Variants in CFAP299 observed in about 807,000 individuals in gnomAD.
The protein encoded by CFAP299 is cilia and flagella associated protein 299.
In CFAP299, 21 loss-of-function variants were observed where a neutral mutation model predicts 27.0. The ratio of observed to expected loss-of-function variants is 0.78; its 90% CI spans 0.55 to 1.12. The LOEUF (loss-of-function observed/expected upper bound fraction) is 1.12. Ranked by LOEUF, CFAP299 falls within the 50% of genes most tolerant of loss-of-function variation. The probability of loss-of-function intolerance (pLI) is 0.00; values close to 1 mark genes in which losing one functional copy is unlikely to be tolerated. For synonymous variants in CFAP299, 104 were observed against 98.1 expected (o/e 1.06, Z -0.36); for missense variants, 310 against 276.6 (o/e 1.12, Z -0.86).
At chr4:80,904,482 C>G (rs1472425552) in intron 4 of CFAP299, among the ~76,000 whole-genome samples, 1 of 152,066 alleles carries the variant, frequency 6.6e-6, no homozygotes, top group Admixed American at 6.6e-5. Flanking sequence ...ATAATCTCAA[C>G]TTTTTTTCAT....
chr4:80,769,556 A>G (rs1726091669), intron 3 of CFAP299, among the ~76,000 whole-genome samples: 2 of 152,118 alleles, frequency 1.3e-5, no homozygotes. Flanking sequence ...CACCATGTGC[A>G]GCTAATTTTT....
chr4:80,726,775 A>C (rs1365507835), intron 3 of CFAP299, among the ~76,000 whole-genome samples: 3 of 152,186 alleles, frequency 2.0e-5, no homozygotes, highest in African/African-American at 7.2e-5. Flanking sequence ...AGTTGGCTTG[A>C]AGTTGATTTA....
At chr4:80,357,722 CTCTTT>C (rs1723342709) in intron 1 of CFAP299, among the ~76,000 whole-genome samples, 2 of 151,912 alleles carry the variant, frequency 1.3e-5, no homozygotes, top group Admixed American at 1.3e-4. Context: ...TGAACCTTCT[CTCTTT>C]TCTTCTTCAT....
chr4:80,656,960 A>G (rs1011114156), intron 3 of CFAP299, among the ~76,000 whole-genome samples: 1 of 151,956 alleles, frequency 6.6e-6, no homozygotes, highest in African/African-American at 2.4e-5. Context: ...TTTGACTTGC[A>G]TTTCTCTAGT....
At chr4:80,661,665 C>T (rs771257452) in intron 3 of CFAP299, among the ~76,000 whole-genome samples, 6 of 151,970 alleles carry the variant, frequency 3.9e-5, no homozygotes, top group Admixed American at 6.6e-5. Flanking sequence ...ATTGTTTAAA[C>T]GATATGAAAT....
At chr4:80,389,877 T>A (rs879613910) in intron 2 of CFAP299, among the ~76,000 whole-genome samples, 2 of 152,204 alleles carry the variant, frequency 1.3e-5, no homozygotes, top group African/African-American at 2.4e-5. Flanking sequence ...AGTCTTTCAA[T>A]TAGCACATAG....
intron 2 of CFAP299, chr4:80,386,907 T>A: frequency 1.2e-6 from 1 of 843,000 alleles, no homozygotes; most frequent in South Asian, 1.3e-5. Context: ...GTAGGGCTTC[T>A]CGCCTGAGTG....
chr4:80,722,132 A>G (rs979712839), intron 3 of CFAP299, among the ~76,000 whole-genome samples: 2 of 152,172 alleles, frequency 1.3e-5, no homozygotes, highest in African/African-American at 4.8e-5. Flanking sequence ...ATAGAAAATA[A>G]TCGAGCCAGG....
At chr4:80,524,781 A>G (rs1276828257) in intron 2 of CFAP299, among the ~76,000 whole-genome samples, 1 of 152,190 alleles carries the variant, frequency 6.6e-6, no homozygotes, top group South Asian at 2.1e-4. Flanking sequence ...CACCAAATTT[A>G]GCATCTTAAA....
At chr4:80,835,743 C>G (rs149090889) in intron 3 of CFAP299, among the ~76,000 whole-genome samples, 11 of 152,134 alleles carry the variant, frequency 7.2e-5, no homozygotes, top group Admixed American at 7.2e-4. Flanking sequence ...CTGCCAACAC[C>G]TTCATAGGGG....
the CFAP299 span, among the ~76,000 whole-genome samples, chr4:80,321,854 G>A: frequency 6.6e-6 from 1 of 152,200 alleles, no homozygotes; most frequent in East Asian, 1.9e-4. Flanking sequence ...TGAGTCCATC[G>A]AAAAATGTTG....
At chr4:80,380,422 A>ATTTTTTTTTTTTT (rs10701207) in intron 2 of CFAP299, among the ~76,000 whole-genome samples, 2 of 96,138 alleles carry the variant, frequency 2.1e-5, no homozygotes, top group South Asian at 3.9e-4. Flanking sequence ...TGTGTCTCAC[A>ATTTTTTTTTTTTT]TTTTTTTTTT....
intron 2 of CFAP299, among the ~76,000 whole-genome samples, chr4:80,465,946 C>G (rs1246543425): frequency 6.6e-6 from 1 of 152,166 alleles, no homozygotes; most frequent in Non-Finnish European, 1.5e-5. Context: ...AGCTGGACAA[C>G]CCCAAGCTGT....
intron 2 of CFAP299, among the ~76,000 whole-genome samples, chr4:80,520,549 A>C (rs1305388283): frequency 6.6e-6 from 1 of 152,220 alleles, no homozygotes; most frequent in African/African-American, 2.4e-5. Context: ...CAGAGGCAGT[A>C]GCTCAGCTGC....
chr4:80,800,696 TTA>T (rs1728523423), intron 3 of CFAP299, among the ~76,000 whole-genome samples: 1 of 115,930 alleles, frequency 8.6e-6, no homozygotes, highest in Non-Finnish European at 1.6e-5. Flanking sequence ...TTATATATAT[TTA>T]TATATGAGTT....
chr4:80,427,070 C>T (rs897522155), intron 2 of CFAP299, among the ~76,000 whole-genome samples: 1 of 152,032 alleles, frequency 6.6e-6, no homozygotes, highest in Admixed American at 6.6e-5. Context: ...TAATTTCCAA[C>T]AACAGATGCT....
rs528221713 is a variant in CFAP299 at position 80,355,499 on chromosome 4, A to G, written c.112-7255A>G. On this transcript the variant is annotated intron_variant, in intron 1 of 5. Coordinates refer to ENST00000358105, the MANE Select transcript of CFAP299 (RefSeq NM_152770.3). ...CAGCCTCCTGAGTAGCTGGGATTAC[A>G]GGCGCATGCCACCACACCTGACTAA... Among the ~76,000 whole-genome samples, 5 of 151,968 alleles carry G rather than the reference A, an allele frequency of 3.3e-5. No homozygotes were observed. The South Asian group carries it at 1.0e-3, about 32-fold the overall frequency.
At chr4:80,869,927 C>T in intron 3 of CFAP299, 66 bp from the exon 4 acceptor site, 1 of 1,457,360 alleles carries the variant, frequency 6.9e-7, no homozygotes, top group Non-Finnish European at 9.4e-7. Context: ...TCATTCTATC[C>T]TATGGCATTC....
intron 3 of CFAP299, among the ~76,000 whole-genome samples, chr4:80,780,990 G>A (rs1375098132): frequency 2.0e-5 from 3 of 151,696 alleles, no homozygotes; most frequent in Admixed American, 2.0e-4. Context: ...TGTGTATTAT[G>A]TAATTATTAT....
Sources: gnomAD v4.1 joint callset for allele counts (sites outside exome capture counted in the v4.1 genomes callset) on GRCh38, gnomAD v4.1.1 for gene constraint, MANE v1.5 for transcripts, NCBI Gene and HGNC (gene_info 2026-07-23, HGNC 2026-07-21) for gene names.